The following NR4A1 variants were observed in gnomAD, a reference collection of about 807,000 sequenced individuals.
The protein encoded by NR4A1 is nuclear receptor subfamily 4immunitygroup A member 1.
A neutral mutation model predicts 47.5 loss-of-function variants in NR4A1; 24 were observed. The ratio of observed to expected loss-of-function variants is 0.50; its 90% CI spans 0.37 to 0.71. The LOEUF (loss-of-function observed/expected upper bound fraction) is 0.71. Ranked by LOEUF, NR4A1 falls within the 30% of genes least tolerant of loss-of-function variation. NR4A1 has a pLI of 0.00. For synonymous variants in NR4A1, 353 were observed against 345.7 expected (o/e 1.02, Z -0.24); for missense variants, 669 against 788.6 (o/e 0.85, Z 1.82).
chr12:52,043,629 C>A, intron 2 of NR4A1: 1 of 1,151,032 alleles, frequency 8.7e-7, no homozygotes, highest in Non-Finnish European at 1.1e-6. Flanking sequence ...CAGGTCCAGT[C>A]AAGAGGGCCC....
At chr12:52,038,560 GC>G (rs944973795) in intron 1 of NR4A1, 2 of 613,516 alleles carry the variant, frequency 3.3e-6, no homozygotes, top group Non-Finnish European at 5.9e-6. Context: ...GGATTTGGGG[GC>G]TGTCGTCGGC....
At position 52,056,478 on chromosome 12, in the gene NR4A1, A is replaced by G. The variant is rs1440302064; in HGVS notation, c.1007-16A>G. 2 of 1,611,374 alleles carry G rather than the reference A, an allele frequency of 1.2e-6. No individual in the cohort carries two copies. The highest frequency in any genetic ancestry group is 1.7e-6 in the Non-Finnish European group (2 of 1,179,234). Reference sequence around the variant, plus strand: ...TCAGATCCCTTCCTTCCTCACCCCTACCCATTCCTTTGCAGTTGTCCGAAC... The same window carrying G: ...TCAGATCCCTTCCTTCCTCACCCCTGCCCATTCCTTTGCAGTTGTCCGAAC... On this transcript the variant is annotated splice_polypyrimidine_tract_variant and intron_variant, in intron 3 of 6. Coordinates refer to ENST00000394825, the MANE Select transcript of NR4A1 (RefSeq NM_173157.3).
In NR4A1 at chr12:52,059,151, C is replaced by T; in HGVS notation, c.*207C>T. The T allele has an allele frequency of 1.6e-6, 1 of 618,050 alleles. No homozygotes were observed. Among genetic ancestry groups the T allele is most frequent in the Non-Finnish European group, 2.7e-6 (1 of 366,734 alleles). The allele number at this position is 618,050 out of a possible 1,614,324, so 38.3% of individuals were successfully genotyped here. A position where few individuals can be genotyped will look rare whatever the true frequency, so the allele number is the denominator to read the frequency against. Reference sequence around the variant, plus strand: ...GGGGTGACCCCACGATTTGTCTTATCCCCCCCAGCCTGGCCCCGGCCTTTA... The same window carrying T: ...GGGGTGACCCCACGATTTGTCTTATTCCCCCCAGCCTGGCCCCGGCCTTTA... On this transcript the variant is annotated 3_prime_UTR_variant, in exon 7 of 7. Coordinates refer to ENST00000394825, the MANE Select transcript of NR4A1 (RefSeq NM_173157.3).
At chr12:52,045,498 G>A (rs574966951) in intron 2 of NR4A1, 12 of 451,736 alleles carry the variant, frequency 2.7e-5, no homozygotes, top group South Asian at 1.9e-4. Context: ...TGACAGTGGG[G>A]GAGCCCAGGC....
At chr12:52,038,076 T>A in intron 1 of NR4A1, 2 of 984,904 alleles carry the variant, frequency 2.0e-6, no homozygotes, top group Non-Finnish European at 2.4e-6. Flanking sequence ...CCCTTTCTTT[T>A]TTTTTTGAGA....
chr12:52,048,333 G>A (rs1018925962), upstream of NR4A1, among the ~76,000 whole-genome samples: 7 of 151,804 alleles, frequency 4.6e-5, no homozygotes, highest in East Asian at 1.9e-4. Context: ...AGTGGCTCAT[G>A]CCTGTAATCC....
chr12:52,051,437 C>G (rs927196852), upstream of NR4A1: 3 of 985,444 alleles, frequency 3.0e-6, no homozygotes, highest in Non-Finnish European at 3.6e-6. Flanking sequence ...CGGGCTCGGC[C>G]GGGGAGTCCC....
chr12:52,056,287 A>G, intron 3 of NR4A1, 128 bp downstream of exon 3: 3 of 1,429,192 alleles, frequency 2.1e-6, no homozygotes, highest in Middle Eastern at 2.6e-4. Flanking sequence ...CCACCTCTGA[A>G]CCCCAGGCCT....
chr12:52,043,871 A>C (rs1477569571), intron 2 of NR4A1: 1 of 1,289,090 alleles, frequency 7.8e-7, no homozygotes, highest in Admixed American at 2.3e-5. Context: ...GTTGTCTGGG[A>C]CCTTTTTCCA....
intron 2 of NR4A1, chr12:52,041,957 C>T: frequency 7.5e-7 from 1 of 1,326,242 alleles, no homozygotes; most frequent in Non-Finnish European, 9.7e-7. Context: ...GTCCTTTGTA[C>T]ACCCCTCCAG....
At chr12:52,044,281 G>A (rs938755405) in intron 2 of NR4A1, among the ~76,000 whole-genome samples, 2 of 152,238 alleles carry the variant, frequency 1.3e-5, no homozygotes, top group African/African-American at 4.8e-5. Context: ...GGGCCCCTGA[G>A]CCCCCACTAG....
At chr12:52,052,640 C>A in intron 1 of NR4A1, 1 of 985,556 alleles carries the variant, frequency 1.0e-6, no homozygotes, top group Non-Finnish European at 1.2e-6. Context: ...TCCTGTGAGG[C>A]TAGATGTAGG....
intron 1 of NR4A1, among the ~76,000 whole-genome samples, chr12:52,028,899 T>C (rs150115038): frequency 0.012 from 1,775 of 152,300 alleles, 15 homozygotes; most frequent in Non-Finnish European, 0.015. Context: ...CGAGACTCCA[T>C]TTTAAAAAAC....
In NR4A1 at chr12:52,057,495, C is replaced by T; in HGVS notation, c.1505C>T (p.Ala502Val). The T allele has an allele frequency of 1.2e-6, 2 of 1,614,174 alleles. No individual in the cohort carries two copies. The highest frequency in any genetic ancestry group is 8.5e-7 in the Non-Finnish European group (1 of 1,180,036). ...SLHSLLVDVP[A>V]FACLSALVLI... ...CACAGCTTGCTTGTCGATGTCCCTGCCTTCGCCTGCCTCTCTGCCCTTGTC... is the reference window on the plus strand; with the variant it reads ...CACAGCTTGCTTGTCGATGTCCCTGTCTTCGCCTGCCTCTCTGCCCTTGTC... The change falls in exon 6 of 7, where the codon GCC becomes GTC. Residue 502 changes from alanine to valine, a missense_variant. Transcript: ENST00000394825.
At chr12:52,056,184 C>A (rs764819954) in intron 3 of NR4A1, 25 bp downstream of exon 3, 1 of 1,578,348 alleles carries the variant, frequency 6.3e-7, no homozygotes, top group South Asian at 1.2e-5. Context: ...TGCGGCCCAG[C>A]GGGGCAAGGG....
chr12:52,051,689 A>G (rs1299904344), intron 1 of NR4A1, 121 bp downstream of exon 1: 1 of 645,268 alleles, frequency 1.5e-6, no homozygotes, highest in Non-Finnish European at 1.9e-6. Context: ...TGTAGTGTGC[A>G]GCTGTAGCAC....
intron 1 of NR4A1, chr12:52,037,879 C>T (rs1342939933): frequency 2.6e-5 from 26 of 982,744 alleles, no homozygotes; most frequent in Non-Finnish European, 3.1e-5. Context: ...GGGATTAGGA[C>T]TCGGGGCTTG....
At chr12:52,026,162 C>T (rs1037214416) in intron 1 of NR4A1, among the ~76,000 whole-genome samples, 2 of 152,214 alleles carry the variant, frequency 1.3e-5, no homozygotes, top group African/African-American at 4.8e-5. Flanking sequence ...CTCGCTCACG[C>T]GTTTGCTGTG....
At chr12:52,049,847 C>T (rs1938834916), upstream of NR4A1, among the ~76,000 whole-genome samples, 1 of 151,888 alleles carries the variant, frequency 6.6e-6, no homozygotes, top group Non-Finnish European at 1.5e-5. Flanking sequence ...CTTGTGGGAC[C>T]TTTGAGTGGG....
Sources: allele counts gnomAD v4.1 joint callset (sites outside exome capture counted in the v4.1 genomes callset), GRCh38; gene constraint gnomAD v4.1.1; transcripts MANE v1.5; gene names NCBI Gene and HGNC (gene_info 2026-07-23, HGNC 2026-07-21).